Variants in PPP1R3A observed in about 807,000 individuals in gnomAD.
PPP1R3A encodes RG1.
Under a neutral mutation model 41.7 loss-of-function variants are expected in PPP1R3A, and 29 were observed. The observed-to-expected ratio is 0.70, with a 90% CI of 0.52 to 0.95. The LOEUF (loss-of-function observed/expected upper bound fraction) is 0.95, where lower values mean the gene tolerates loss of function less well. PPP1R3A is among the 40% of genes least tolerant of loss of function. The pLI is 0.00. For missense variants in PPP1R3A, 1,352 were observed against 1,292.4 expected (o/e 1.05, Z -0.71); for synonymous variants, 485 against 453.4 (o/e 1.07, Z -0.89).
chr7:113,912,711 T>C (rs958979372), intron 1 of PPP1R3A, among the ~76,000 whole-genome samples: 1 of 152,062 alleles, frequency 6.6e-6, no homozygotes, highest in African/African-American at 2.4e-5. Context: ...TTTTTTCTTT[T>C]CTTTTCTTTT....
At chr7:113,883,604 T>C (rs943977973) in intron 1 of PPP1R3A, among the ~76,000 whole-genome samples, 3 of 151,966 alleles carry the variant, frequency 2.0e-5, no homozygotes, top group South Asian at 2.1e-4. Flanking sequence ...TATGAATCCA[T>C]ATTGCTTAAT....
intron 1 of PPP1R3A, among the ~76,000 whole-genome samples, chr7:113,893,796 A>G (rs1796932013): frequency 6.6e-6 from 1 of 152,066 alleles, no homozygotes; most frequent in Non-Finnish European, 1.5e-5. Flanking sequence ...AACATTGCCC[A>G]GTACCTCGGA....
At position 113,879,583 on chromosome 7, in the gene PPP1R3A, T is replaced by G. The variant is rs768955972; in HGVS notation, c.1509A>C (p.Glu503Asp). ...TSACLKESTE[E>D]GSSKEDYYGN... ...CATAATAATCTTCCTTAGAAGATCC[T>G]TCTTCTGTTGATTCTTTGAGACATG... Residue 503 changes from glutamate (E) to aspartate (D), a missense_variant, in exon 4 of 4, where the codon GAA becomes GAC. Physicochemically the swap from Glu to Asp is conservative, Grantham distance 45. Transcript: ENST00000284601. 1 of 1,612,552 alleles carries G rather than the reference T, an allele frequency of 6.2e-7. No individual in the cohort carries two copies. Among genetic ancestry groups the G allele is most frequent in the South Asian group, 1.1e-5 (1 of 91,040 alleles).
At chr7:113,902,316 T>C (rs906817828) in intron 1 of PPP1R3A, among the ~76,000 whole-genome samples, 1 of 151,802 alleles carries the variant, frequency 6.6e-6, no homozygotes, top group Non-Finnish European at 1.5e-5. Flanking sequence ...ATGTATGATA[T>C]ATTCTTGGTG....
chr7:113,904,601 A>AAT (rs1281424101), intron 1 of PPP1R3A, among the ~76,000 whole-genome samples: 1 of 151,678 alleles, frequency 6.6e-6, no homozygotes, highest in Non-Finnish European at 1.5e-5. Flanking sequence ...CAGACCCTCA[A>AAT]ATACAAAATT....
intron 1 of PPP1R3A, among the ~76,000 whole-genome samples, chr7:113,900,552 A>G (rs1797044769): frequency 6.6e-6 from 1 of 150,588 alleles, no homozygotes; most frequent in Non-Finnish European, 1.5e-5. Flanking sequence ...CTTGATTTAT[A>G]CATATATCAT....
At chr7:113,903,836 A>T (rs1006034576) in intron 1 of PPP1R3A, among the ~76,000 whole-genome samples, 2 of 151,666 alleles carry the variant, frequency 1.3e-5, no homozygotes, top group African/African-American at 4.8e-5. Context: ...CATTTCAGAC[A>T]GTGTGATTAA....
Position 113,918,866 on chromosome 7 carries a change from C to G in PPP1R3A, c.131G>C (p.Arg44Pro). 1 of 1,613,752 alleles carries G rather than the reference C, an allele frequency of 6.2e-7. No individual in the cohort carries two copies. Among genetic ancestry groups the G allele is most frequent in the Non-Finnish European group, 8.5e-7 (1 of 1,179,758 alleles). ...TATGTCTTCAGAAGAATCAGAACCT[C>G]GTCTACTTGGTTGAGGGGAGAAACC... ...QPGFSPQPSR[R>P]GSDSSEDIYL... The change falls in exon 1 of 4, where the codon CGA becomes CCA. Residue 44 changes from arginine to proline, a missense_variant. Physicochemically the swap from Arg to Pro is moderately radical, Grantham distance 103. Transcript: ENST00000284601.
intron 1 of PPP1R3A, among the ~76,000 whole-genome samples, chr7:113,884,394 G>A (rs4330616): frequency 0.62 from 94,359 of 151,768 alleles, 29,929 homozygotes; most frequent in South Asian, 0.75. Context: ...TTAAGATAGT[G>A]TTATATTGGT....
At position 113,897,897 on chromosome 7, in the gene PPP1R3A, G is replaced by A. The variant is rs73716344; in HGVS notation, c.783-15577C>T. 6.9e-3 allele frequency among the ~76,000 whole-genome samples: 1,049 copies of A among 151,890 alleles called. 11 individuals are homozygous for A. Among genetic ancestry groups the A allele is most frequent in the African/African-American group, 0.024 (996 of 41,478 alleles). Reference sequence around the variant, plus strand: ...GCAAACAGCAGGTCACTGAGGAAATGGACCACACACTGGGATTGCTAAAGG... The same window carrying A: ...GCAAACAGCAGGTCACTGAGGAAATAGACCACACACTGGGATTGCTAAAGG... On this transcript the variant is annotated intron_variant, in intron 1 of 3. Coordinates refer to ENST00000284601, the MANE Select transcript of PPP1R3A (RefSeq NM_002711.4).
intron 1 of PPP1R3A, among the ~76,000 whole-genome samples, chr7:113,909,203 T>A (rs1797199212): frequency 6.6e-6 from 1 of 152,014 alleles, no homozygotes. Flanking sequence ...TTTATACAGT[T>A]ACATTCTGGA....
rs567391457 is a variant in PPP1R3A, at chr7:113,877,594, G to C, written c.*129C>G. 2 of 1,083,824 alleles carry C rather than the reference G, an allele frequency of 1.8e-6. No homozygotes were observed. Among genetic ancestry groups the C allele is most frequent in the South Asian group, 1.8e-5 (1 of 55,770 alleles). 67.1% of individuals were successfully genotyped at this position (1,083,824 alleles called of 1,614,324 possible). On this transcript the variant is annotated 3_prime_UTR_variant, in exon 4 of 4. Transcript: ENST00000284601. ...TATATGAAGGAGCAAACTTATTCGC[G>C]TCCCTTTTTAAATGATCCTTCAAGA...
At chr7:113,898,989 T>A (rs1797020624) in intron 1 of PPP1R3A, among the ~76,000 whole-genome samples, 2 of 151,830 alleles carry the variant, frequency 1.3e-5, no homozygotes, top group Admixed American at 1.3e-4. Flanking sequence ...AGGGTCTCTA[T>A]TTCCCAGTCT....
intron 1 of PPP1R3A, among the ~76,000 whole-genome samples, chr7:113,900,983 G>C (rs1797051853): frequency 1.3e-5 from 2 of 151,242 alleles, no homozygotes; most frequent in South Asian, 4.2e-4. Flanking sequence ...TCTTTGATTA[G>C]ATTTACTGTA....
chr7:113,878,679 A>G lies in PPP1R3A; in HGVS notation c.2413T>C (p.Ser805Pro). 1 of 1,613,388 alleles carries G rather than the reference A, an allele frequency of 6.2e-7. No homozygotes were observed. Among genetic ancestry groups the G allele is most frequent in the East Asian group, 2.2e-5 (1 of 44,836 alleles). Residue 805 changes from serine to proline, a missense_variant, in exon 4 of 4, where the codon TCA (serine) becomes CCA (proline). By Grantham distance (74) the Ser-to-Pro change is moderately conservative. Coordinates refer to ENST00000284601, the MANE Select transcript of PPP1R3A (RefSeq NM_002711.4). The part of the protein sequence containing the change: ...VIYDNDFEKE[S>P]RLGICNVRVD... ...CGTACATTACAAATACCTAAACGTG[A>G]TTCCTTTTCAAAATCATTGTCATAG...
At chr7:113,885,008 T>A (rs1460197544) in intron 1 of PPP1R3A, among the ~76,000 whole-genome samples, 5 of 152,088 alleles carry the variant, frequency 3.3e-5, no homozygotes, top group Non-Finnish European at 5.9e-5. Context: ...TGATAAAAAA[T>A]TAAAAGTCTG....
Position 113,878,449 on chromosome 7 carries a change from ATC to A in PPP1R3A, c.2641_2642del (p.Asp881SerfsTer2). ...TTGATAATTCTTGAACCTGCCTAAGATCTCTGTTTTCTGAAAATACAGTTTTG... is the reference window on the plus strand; with the variant it reads ...TTGATAATTCTTGAACCTGCCTAAGATCTGTTTTCTGAAAATACAGTTTTG... The part of the protein sequence containing the change: ...TDKTVFSENR[D>X]LRQVQELSKK... On this transcript the variant is annotated frameshift_variant, in exon 4 of 4. Transcript: ENST00000284601. LOFTEE classifies it low-confidence loss of function (END_TRUNC). The A allele has an allele frequency of 5.6e-6, 9 of 1,612,550 alleles. No homozygotes were observed. The highest frequency in any genetic ancestry group is 6.8e-6 in the Non-Finnish European group (8 of 1,179,662).
intron 1 of PPP1R3A, among the ~76,000 whole-genome samples, chr7:113,906,442 TTTC>T (rs1797148182): frequency 6.6e-6 from 1 of 151,740 alleles, no homozygotes; most frequent in Admixed American, 6.6e-5. Context: ...GATATTAAAG[TTTC>T]TTATTTGAAT....
At chr7:113,908,930 GATAA>G (rs1432682292) in intron 1 of PPP1R3A, among the ~76,000 whole-genome samples, 7 of 151,846 alleles carry the variant, frequency 4.6e-5, no homozygotes, top group Non-Finnish European at 7.4e-5. Flanking sequence ...ATAAGTGAGA[GATAA>G]ATAATTGGTA....
Sources: gnomAD v4.1 joint callset for allele counts (sites outside exome capture counted in the v4.1 genomes callset) on GRCh38, gnomAD v4.1.1 for gene constraint, MANE v1.5 for transcripts, NCBI Gene and HGNC (gene_info 2026-07-23, HGNC 2026-07-21) for gene names.